The following CLHC1 variants were observed in gnomAD, a reference collection of about 807,000 sequenced individuals.
The protein encoded by CLHC1 is clathrin heavy chain linker domain-containing protein 1.
In CLHC1, 72 loss-of-function variants were observed where a neutral mutation model predicts 69.5. That is an observed-to-expected ratio of 1.04 (90% CI 0.86 to 1.26). The LOEUF is 1.26. Ranked by LOEUF, CLHC1 falls within the 50% of genes most tolerant of loss-of-function variation. CLHC1 has a pLI of 0.00. For missense variants in CLHC1, 790 were observed against 679.3 expected (o/e 1.16, Z -1.81); for synonymous variants, 223 against 224.3 (o/e 0.99, Z 0.05).
At chr2:55,213,794 T>C (rs1240555208) in intron 4 of CLHC1, among the ~76,000 whole-genome samples, 3 of 152,210 alleles carry the variant, frequency 2.0e-5, no homozygotes, top group Non-Finnish European at 4.4e-5. Flanking sequence ...AGAGGGGCCA[T>C]GCCAATAGCT....
chr2:55,214,279 G>A (rs764745144), intron 4 of CLHC1: 9 of 152,372 alleles, frequency 5.9e-5, no homozygotes, highest in Admixed American at 2.0e-4. Flanking sequence ...GGAGGCCAAG[G>A]AGGGCAGATC....
chr2:55,187,090 A>C (rs886405036), intron 9 of CLHC1, among the ~76,000 whole-genome samples: 1 of 151,222 alleles, frequency 6.6e-6, no homozygotes, highest in African/African-American at 2.4e-5. Flanking sequence ...AACATGGTGA[A>C]ACCCCGTTTC....
rs1372373917 is a variant in CLHC1 at position 55,174,345 on chromosome 2, G to C, written c.*1445C>G. ...GCCAGGCAACCCTAATACAAGTGTG[G>C]ACAGATAACTTAATCTCAGCAATAA... is the stretch of plus-strand genomic sequence containing the variant. On this transcript the variant is annotated 3_prime_UTR_variant, in exon 13 of 13. Transcript: ENST00000401408. 1.3e-5 allele frequency among the ~76,000 whole-genome samples: 2 copies of C among 152,096 alleles called. No individual in the cohort carries two copies. Among genetic ancestry groups the C allele is most frequent in the Non-Finnish European group, 2.9e-5 (2 of 68,010 alleles).
intron 9 of CLHC1, among the ~76,000 whole-genome samples, chr2:55,182,227 C>A (rs1573597974): frequency 6.6e-6 from 1 of 152,200 alleles, no homozygotes; most frequent in South Asian, 2.1e-4. Flanking sequence ...TGCAAACTAT[C>A]CTGCTTTAAT....
At chr2:55,191,754 A>T (rs1670949809) in intron 9 of CLHC1, among the ~76,000 whole-genome samples, 1 of 152,144 alleles carries the variant, frequency 6.6e-6, no homozygotes, top group South Asian at 2.1e-4. Flanking sequence ...GGAGAAAAAT[A>T]TTCAATTAAT....
intron 4 of CLHC1, among the ~76,000 whole-genome samples, chr2:55,217,545 AAAAAAAAATATATATAT>A (rs1673659311): frequency 1.2e-5 from 1 of 81,178 alleles, no homozygotes; most frequent in Non-Finnish European, 2.2e-5. Flanking sequence ...AAAAAAAAAA[AAAAAAAAATATATATAT>A]ATATATATAT....
chr2:55,205,166 G>A (rs1347670260), intron 9 of CLHC1, among the ~76,000 whole-genome samples: 1 of 152,010 alleles, frequency 6.6e-6, no homozygotes, highest in Non-Finnish European at 1.5e-5. Context: ...ATTTTTGGTG[G>A]GAATGTAAAT....
chr2:55,192,940 G>C (rs1316624875), intron 9 of CLHC1, among the ~76,000 whole-genome samples: 3 of 149,032 alleles, frequency 2.0e-5, no homozygotes, highest in Non-Finnish European at 1.5e-5. Context: ...ACCCAGGCTG[G>C]AGTGCAGTGG....
chr2:55,180,495 G>T lies in CLHC1; in HGVS notation c.1384+15C>A, dbSNP rs768297143. 19 of 1,597,648 alleles carry T rather than the reference G, an allele frequency of 1.2e-5. No homozygotes were observed. The highest frequency in any genetic ancestry group is 1.6e-5 in the Non-Finnish European group (19 of 1,165,724). ...AGAATTCAAATGTATACAAATGGCAGACTTTTTAACTTACCGGTAGTAAAG... is the reference window on the plus strand; with the variant it reads ...AGAATTCAAATGTATACAAATGGCATACTTTTTAACTTACCGGTAGTAAAG... On this transcript the variant is annotated intron_variant, in intron 11 of 12. Transcript: ENST00000401408.
At chr2:55,188,525 T>C (rs1018948131) in intron 9 of CLHC1, among the ~76,000 whole-genome samples, 4 of 152,164 alleles carry the variant, frequency 2.6e-5, no homozygotes, top group African/African-American at 9.7e-5. Context: ...ACAAACACTT[T>C]GGGAAAATGT....
At chr2:55,209,375 G>A in intron 7 of CLHC1, 29 bp downstream of exon 7, 2 of 1,361,948 alleles carry the variant, frequency 1.5e-6, no homozygotes, top group African/African-American at 1.5e-5. Context: ...TCCATTATTG[G>A]TACTAATTTA....
chr2:55,191,437 T>C lies in CLHC1; in HGVS notation c.1007-9693A>G, dbSNP rs1321319990. On this transcript the variant is annotated intron_variant, in intron 9 of 12. Transcript: ENST00000401408. The stretch of plus-strand genomic sequence containing the variant: ...TTTTAGTAGAGACGGGGTTTCACCA[T>C]GTTGGCCAGGCTGGTCTCGAACTTC... Among the ~76,000 whole-genome samples the C allele has an allele frequency of 4.6e-5, 7 of 152,156 alleles. No individual in the cohort carries two copies. The East Asian group carries it at 1.3e-3, about 29-fold the overall frequency.
At position 55,222,690 on chromosome 2, in the gene CLHC1, C is replaced by G. The variant is rs1674256618; in HGVS notation, c.-82-197G>C. Among the ~76,000 whole-genome samples the G allele has an allele frequency of 2.0e-5, 3 of 152,082 alleles. 1 individual carries two copies. The Middle Eastern group carries it at 0.01, about 517-fold the overall frequency. On this transcript the variant is annotated intron_variant, in intron 2 of 12. Coordinates refer to ENST00000401408, the MANE Select transcript of CLHC1 (RefSeq NM_152385.4). ...ATCCCAGCTCTTTGGGAGGCCGAGG[C>G]AGGTGGATCATCTGAGGTCCGGGAG...
intron 4 of CLHC1, among the ~76,000 whole-genome samples, chr2:55,213,616 C>A (rs1673216121): frequency 6.6e-6 from 1 of 152,134 alleles, no homozygotes; most frequent in Non-Finnish European, 1.5e-5. Context: ...CTAAGTTTAT[C>A]CAGAAATGAA....
chr2:55,178,443 T>TA (rs1317040478), intron 11 of CLHC1, among the ~76,000 whole-genome samples: 4 of 152,380 alleles, frequency 2.6e-5, no homozygotes, highest in African/African-American at 9.6e-5. Flanking sequence ...ACCCAATAGT[T>TA]AACCATTGAG....
At chr2:55,219,769 C>G (rs549401786) in intron 3 of CLHC1, among the ~76,000 whole-genome samples, 1 of 152,252 alleles carries the variant, frequency 6.6e-6, no homozygotes, top group East Asian at 1.9e-4. Flanking sequence ...GTACAGGGGT[C>G]TAAGGAAGAA....
At chr2:55,176,818 G>A (rs1178221581) in intron 12 of CLHC1, among the ~76,000 whole-genome samples, 1 of 152,076 alleles carries the variant, frequency 6.6e-6, no homozygotes, top group Non-Finnish European at 1.5e-5. Flanking sequence ...TTAAAATGAA[G>A]TTGTCTGTTC....
chr2:55,224,608 G>A (rs1469630219), intron 2 of CLHC1: 1 of 255,830 alleles, frequency 3.9e-6, no homozygotes, highest in Non-Finnish European at 8.0e-6. Context: ...GATGGGCCAG[G>A]GCGGGAGGAA....
In CLHC1 at chr2:55,218,051, G is replaced by A. The variant is rs567246407; in HGVS notation, c.178-53C>T. 126 of 937,912 alleles carry A rather than the reference G, an allele frequency of 1.3e-4. No individual in the cohort carries two copies. The South Asian group carries it at 3.3e-3, about 24-fold the overall frequency. The allele number at this position is 937,912 out of a possible 1,614,324, so 58.1% of individuals were successfully genotyped here. A position where few individuals can be genotyped will look rare whatever the true frequency, so the allele number is the denominator to read the frequency against. On this transcript the variant is annotated intron_variant, in intron 3 of 12. Transcript: ENST00000401408. ...ATTGATTTTTTTTCTAGGAGGCTATGGATTGAAATTCTTGCAAATAACATT... is the reference window on the plus strand; with the variant it reads ...ATTGATTTTTTTTCTAGGAGGCTATAGATTGAAATTCTTGCAAATAACATT...
Sources: allele counts gnomAD v4.1 joint callset (sites outside exome capture counted in the v4.1 genomes callset), GRCh38; gene constraint gnomAD v4.1.1; transcripts MANE v1.5; gene names NCBI Gene and HGNC (gene_info 2026-07-23, HGNC 2026-07-21).